The following NPAS3 variants were observed in gnomAD, a reference collection of about 807,000 sequenced individuals.
NPAS3 encodes neuronal PAS domain-containing protein 3.
NPAS3 carries 14 observed loss-of-function variants against 73.1 expected under a neutral mutation model. The observed-to-expected ratio is 0.19, with a 90% CI of 0.13 to 0.30. NPAS3 has a LOEUF of 0.30. NPAS3 is among the 10% of genes least tolerant of loss of function. The probability of loss-of-function intolerance (pLI) is 1.00; values close to 1 mark genes in which losing one functional copy is unlikely to be tolerated. For synonymous variants in NPAS3, 620 were observed against 541.5 expected, an observed-to-expected ratio of 1.14 and a Z score of -2.01; for missense variants, 1,096 against 1,250.0, an observed-to-expected ratio of 0.88 and a Z score of 1.86.
intron 3 of NPAS3, among the ~76,000 whole-genome samples, chr14:33,258,018 G>GAC (rs1340430868): frequency 3.3e-5 from 5 of 152,162 alleles, no homozygotes; most frequent in Admixed American, 2.6e-4. Context: ...TATTTTGGCT[G>GAC]ACACTTCCGG....
intron 2 of NPAS3, among the ~76,000 whole-genome samples, chr14:33,107,854 T>C (rs750789768): frequency 6.6e-6 from 1 of 152,230 alleles, no homozygotes; most frequent in African/African-American, 2.4e-5. Flanking sequence ...GTACTGGTAT[T>C]GTGTTGGTAA....
intron 2 of NPAS3, among the ~76,000 whole-genome samples, chr14:33,116,662 C>T (rs1021108879): frequency 1.3e-5 from 2 of 152,078 alleles, no homozygotes; most frequent in South Asian, 2.1e-4. Context: ...ACTGCTTCTC[C>T]GAACTGACAA....
intron 6 of NPAS3, among the ~76,000 whole-genome samples, chr14:33,685,417 A>G (rs968307101): frequency 5.3e-5 from 8 of 152,188 alleles, no homozygotes; most frequent in African/African-American, 1.9e-4. Context: ...CAAGACCATG[A>G]TTATCAGGGA....
chr14:33,169,878 G>A (rs1209473949), intron 2 of NPAS3, among the ~76,000 whole-genome samples: 1 of 152,122 alleles, frequency 6.6e-6, no homozygotes, highest in Non-Finnish European at 1.5e-5. Flanking sequence ...AGACCTTGTC[G>A]GTACCTGATT....
chr14:33,351,655 T>C (rs1039970136), intron 3 of NPAS3, among the ~76,000 whole-genome samples: 2 of 152,234 alleles, frequency 1.3e-5, no homozygotes, highest in African/African-American at 2.4e-5. Flanking sequence ...TCACAAAAGA[T>C]CATTACACTC....
chr14:33,164,230 A>T (rs754083351), intron 2 of NPAS3, among the ~76,000 whole-genome samples: 1 of 152,198 alleles, frequency 6.6e-6, no homozygotes, highest in Non-Finnish European at 1.5e-5. Flanking sequence ...GTATTGAAAC[A>T]TTGGATTCAA....
upstream of NPAS3, chr14:32,934,826 C>T (rs1024394134): frequency 6.8e-5 from 27 of 397,384 alleles, no homozygotes; most frequent in African/African-American, 5.0e-4. The surrounding 1 kb of genome is among the most constrained non-coding windows in gnomAD (Gnocchi z 4.1). Flanking sequence ...CCGCCGCGCC[C>T]GGGGGCCGAA....
intron 3 of NPAS3, among the ~76,000 whole-genome samples, chr14:33,301,797 C>A (rs773288709): frequency 6.6e-6 from 1 of 152,162 alleles, no homozygotes; most frequent in Non-Finnish European, 1.5e-5. Context: ...ATTTTTCTTA[C>A]GTTATACATC....
intron 3 of NPAS3, among the ~76,000 whole-genome samples, chr14:33,272,837 C>T (rs1455765410): frequency 6.6e-6 from 1 of 152,168 alleles, no homozygotes; most frequent in Non-Finnish European, 1.5e-5. Flanking sequence ...CAAAACTCTA[C>T]CAAAGGGTAG....
chr14:33,711,215 A>T (rs2060809095), intron 6 of NPAS3, among the ~76,000 whole-genome samples: 1 of 152,220 alleles, frequency 6.6e-6, no homozygotes, highest in Admixed American at 6.5e-5. Flanking sequence ...TTTTAATAAC[A>T]TTGTTTTAAT....
chr14:33,326,098 A>C (rs1178444437), intron 3 of NPAS3, among the ~76,000 whole-genome samples: 2 of 152,110 alleles, frequency 1.3e-5, no homozygotes, highest in African/African-American at 4.8e-5. Flanking sequence ...ATTTAAGGTG[A>C]TGATACCTTA....
chr14:32,985,929 G>A (rs1057235330), intron 1 of NPAS3, among the ~76,000 whole-genome samples: 4 of 152,184 alleles, frequency 2.6e-5, no homozygotes, highest in East Asian at 1.9e-4. Context: ...TAAGGTCCAC[G>A]ATTCTTCATA....
At chr14:33,690,180 G>C (rs1019212941) in intron 6 of NPAS3, among the ~76,000 whole-genome samples, 1 of 152,066 alleles carries the variant, frequency 6.6e-6, no homozygotes, top group Admixed American at 6.5e-5. Flanking sequence ...GCGGCGTTCC[G>C]GTCTGTGCTG....
intron 9 of NPAS3, among the ~76,000 whole-genome samples, chr14:33,781,145 G>T (rs777120378): frequency 6.6e-6 from 1 of 152,194 alleles, no homozygotes; most frequent in Non-Finnish European, 1.5e-5. Context: ...GAAAAAGAGT[G>T]TTTTGATCCT....
intron 3 of NPAS3, among the ~76,000 whole-genome samples, chr14:33,264,911 A>T (rs1040034202): frequency 6.6e-6 from 1 of 152,098 alleles, no homozygotes; most frequent in Admixed American, 6.5e-5. Context: ...CCCCACTTCC[A>T]TTATTCTTCC....
chr14:33,210,596 C>T (rs1237388165), intron 2 of NPAS3, among the ~76,000 whole-genome samples: 1 of 152,122 alleles, frequency 6.6e-6, no homozygotes, highest in African/African-American at 2.4e-5. Flanking sequence ...TCTAGAAGTA[C>T]ACATATACTC....
At chr14:33,752,135 T>G (rs1272642158) in intron 7 of NPAS3, among the ~76,000 whole-genome samples, 4 of 152,208 alleles carry the variant, frequency 2.6e-5, no homozygotes, top group Admixed American at 2.0e-4. Flanking sequence ...TTCTAAATAT[T>G]TTTGCAGCAT....
intron 5 of NPAS3, among the ~76,000 whole-genome samples, chr14:33,642,980 A>G (rs1452429100): frequency 6.6e-6 from 1 of 152,166 alleles, no homozygotes; most frequent in African/African-American, 2.4e-5. Flanking sequence ...GGATCAGAGA[A>G]ATGGCTTTTA....
intron 1 of NPAS3, among the ~76,000 whole-genome samples, chr14:33,008,433 A>C (rs1054355942): frequency 1.3e-5 from 2 of 152,230 alleles, no homozygotes; most frequent in Non-Finnish European, 2.9e-5. Context: ...AAGAAGCTAT[A>C]GGGGAGTGCA....
Sources: gnomAD v4.1 joint callset for allele counts (sites outside exome capture counted in the v4.1 genomes callset) on GRCh38, gnomAD v4.1.1 for gene constraint, Gnocchi (gnomAD v3.1) non-coding constraint, MANE v1.5 for transcripts, NCBI Gene and HGNC (gene_info 2026-07-23, HGNC 2026-07-21) for gene names.